Variants in RFC3 observed in about 807,000 individuals in gnomAD.
RFC3 encodes replication factor C subunit 3, also known as A1 38 kDa subunit.
In RFC3, 41 loss-of-function variants were observed where a neutral mutation model predicts 45.1. The ratio of observed to expected loss-of-function variants is 0.91; its 90% CI spans 0.71 to 1.18. The LOEUF is 1.18. Ranked by LOEUF, RFC3 falls within the 50% of genes most tolerant of loss-of-function variation. The pLI is 0.00. For missense variants in RFC3, 423 were observed against 428.1 expected (o/e 0.99, Z 0.10); for synonymous variants, 149 against 144.0 (o/e 1.03, Z -0.25).
chr13:33,818,504 T>C (rs1347019213), intron 1 of RFC3, among the ~76,000 whole-genome samples: 1 of 152,192 alleles, frequency 6.6e-6, no homozygotes, highest in African/African-American at 2.4e-5. Context: ...AAGTCATAAA[T>C]ACAGAAATCC....
intron 8 of RFC3, among the ~76,000 whole-genome samples, chr13:33,920,282 C>G (rs767578394): frequency 6.6e-6 from 1 of 152,042 alleles, no homozygotes; most frequent in Non-Finnish European, 1.5e-5. Context: ...AACCAAATAC[C>G]CTCTCAAGAA....
intron 8 of RFC3, among the ~76,000 whole-genome samples, chr13:33,891,453 T>C (rs1353747491): frequency 6.6e-6 from 1 of 152,052 alleles, no homozygotes; most frequent in African/African-American, 2.4e-5. Flanking sequence ...CTTAAGAAAA[T>C]ACTGGCAGAA....
chr13:33,970,960 G>T (rs1016621939), downstream of RFC3, among the ~76,000 whole-genome samples: 1 of 152,222 alleles, frequency 6.6e-6, no homozygotes, highest in East Asian at 1.9e-4. Context: ...AATGGCAACA[G>T]CCAGGTGGGT....
chr13:33,969,060 C>T (rs927077132), downstream of RFC3, among the ~76,000 whole-genome samples: 2 of 152,214 alleles, frequency 1.3e-5, no homozygotes, highest in Non-Finnish European at 2.9e-5. Context: ...CAAGAAGTTA[C>T]ACACGTTTCA....
downstream of RFC3, among the ~76,000 whole-genome samples, chr13:33,969,908 T>TTC (rs1219386695): frequency 7.9e-4 from 120 of 151,188 alleles, no homozygotes; most frequent in African/African-American, 2.9e-3. Flanking sequence ...ATTGTCAGAT[T>TTC]TGTTTTTTTT....
intron 8 of RFC3, among the ~76,000 whole-genome samples, chr13:33,922,113 G>A (rs2082772702): frequency 6.6e-6 from 1 of 151,006 alleles, no homozygotes; most frequent in Admixed American, 6.6e-5. Context: ...GCGAGAATTA[G>A]GAAAGAGAGT....
At chr13:33,824,300 T>C (rs2082029622) in intron 3 of RFC3, among the ~76,000 whole-genome samples, 1 of 152,188 alleles carries the variant, frequency 6.6e-6, no homozygotes, top group Non-Finnish European at 1.5e-5. Flanking sequence ...TGATGAGCAG[T>C]GTGTCTAAAA....
At chr13:33,851,059 A>G (rs1055922468) in intron 8 of RFC3, among the ~76,000 whole-genome samples, 7 of 152,204 alleles carry the variant, frequency 4.6e-5, no homozygotes, top group African/African-American at 1.7e-4. Context: ...CCTCCATGGA[A>G]TGAGAAATTA....
At chr13:33,841,059 C>T (rs115805902), downstream of RFC3, among the ~76,000 whole-genome samples, 1,407 of 152,286 alleles carry the variant, frequency 9.2e-3, 27 homozygotes, top group African/African-American at 0.032. Context: ...ACCTGAGCTC[C>T]ACCACCTGTC....
At chr13:33,885,384 A>G (rs1434424783) in intron 8 of RFC3, among the ~76,000 whole-genome samples, 1 of 152,164 alleles carries the variant, frequency 6.6e-6, no homozygotes, top group Non-Finnish European at 1.5e-5. Flanking sequence ...CGGTTTTGTT[A>G]CATGCATATA....
At chr13:33,963,792 G>T (rs1231793535) in intron 8 of RFC3, among the ~76,000 whole-genome samples, 2 of 152,298 alleles carry the variant, frequency 1.3e-5, no homozygotes, top group East Asian at 3.9e-4. Flanking sequence ...CACTGAGATT[G>T]CAGGAGGAAA....
chr13:33,863,828 G>A (rs2082356826), intron 8 of RFC3, among the ~76,000 whole-genome samples: 1 of 152,186 alleles, frequency 6.6e-6, no homozygotes, highest in Admixed American at 6.5e-5. Flanking sequence ...TACTGGGCAT[G>A]GGGCACAGAT....
chr13:33,869,348 G>C (rs755790130), intron 8 of RFC3, among the ~76,000 whole-genome samples: 16 of 151,826 alleles, frequency 1.1e-4, no homozygotes, highest in Non-Finnish European at 1.8e-4. Context: ...TCCATCTAGG[G>C]ACAGGGAACC....
At chr13:33,821,341 C>G in intron 2 of RFC3, 72 bp downstream of exon 2, 3 of 1,442,364 alleles carry the variant, frequency 2.1e-6, no homozygotes, top group South Asian at 2.4e-5. Context: ...TGTATGTCCC[C>G]CCAACTCAGT....
chr13:33,910,492 A>T (rs991678264), intron 8 of RFC3, among the ~76,000 whole-genome samples: 2 of 152,084 alleles, frequency 1.3e-5, no homozygotes, highest in Non-Finnish European at 2.9e-5. Context: ...AACAACAGAG[A>T]ACAGTGTAAC....
At chr13:33,941,728 GTT>G in intron 8 of RFC3, among the ~76,000 whole-genome samples, 1 of 147,864 alleles carries the variant, frequency 6.8e-6, no homozygotes, top group South Asian at 2.2e-4. Flanking sequence ...TAGATTTAAG[GTT>G]TTTTTTTTCT....
At chr13:33,849,747 G>A (rs1323639510) in intron 8 of RFC3, 1 of 152,138 alleles carries the variant, frequency 6.6e-6, no homozygotes, top group Non-Finnish European at 1.5e-5. Flanking sequence ...GAGTAGTGGT[G>A]CGTGTCTGTC....
intron 8 of RFC3, among the ~76,000 whole-genome samples, chr13:33,931,805 C>T (rs1229423112): frequency 3.3e-5 from 5 of 151,914 alleles, no homozygotes; most frequent in Admixed American, 6.6e-5. Flanking sequence ...TAGTCACCTA[C>T]GTTTGCTTTT....
At chr13:33,845,531 C>A (rs765365101) in intron 8 of RFC3, among the ~76,000 whole-genome samples, 1 of 152,034 alleles carries the variant, frequency 6.6e-6, no homozygotes, top group Non-Finnish European at 1.5e-5. Context: ...ATTAATTCTT[C>A]TTTTTGATCA....
Sources: allele counts gnomAD v4.1 joint callset (sites outside exome capture counted in the v4.1 genomes callset), GRCh38; gene constraint gnomAD v4.1.1; transcripts MANE v1.5; gene names NCBI Gene and HGNC (gene_info 2026-07-23, HGNC 2026-07-21).